Variants in ZNF385B observed in about 807,000 individuals in gnomAD.
The protein encoded by ZNF385B is zinc finger protein 533.
In ZNF385B, 23 loss-of-function variants were observed where a neutral mutation model predicts 39.2. The observed-to-expected ratio is 0.59, with a 90% CI of 0.42 to 0.83. The LOEUF (loss-of-function observed/expected upper bound fraction) is 0.83. ZNF385B is among the 40% of genes least tolerant of loss of function. The probability of loss-of-function intolerance (pLI) is 0.00; values close to 1 mark genes in which losing one functional copy is unlikely to be tolerated. For missense variants in ZNF385B, 552 were observed against 598.9 expected (o/e 0.92, Z 0.82); for synonymous variants, 205 against 222.6 (o/e 0.92, Z 0.70).
At chr2:179,721,664 T>C (rs1224827483) in intron 3 of ZNF385B, among the ~76,000 whole-genome samples, 1 of 151,842 alleles carries the variant, frequency 6.6e-6, no homozygotes, top group East Asian at 1.9e-4. Flanking sequence ...AAGTATTTAA[T>C]AAAATGCAAT....
chr2:179,782,985 T>C (rs1289023003), intron 1 of ZNF385B, among the ~76,000 whole-genome samples: 1 of 152,120 alleles, frequency 6.6e-6, no homozygotes, highest in Non-Finnish European at 1.5e-5. Context: ...AACAATCTTT[T>C]AAAATTCATA....
intron 3 of ZNF385B, among the ~76,000 whole-genome samples, chr2:179,653,004 C>G (rs1205905001): frequency 6.6e-6 from 1 of 152,096 alleles, no homozygotes; most frequent in African/African-American, 2.4e-5. Context: ...TGGGGCCTTC[C>G]TAACATTGTA....
At chr2:179,668,724 G>A (rs1193301935) in intron 3 of ZNF385B, among the ~76,000 whole-genome samples, 3 of 151,680 alleles carry the variant, frequency 2.0e-5, no homozygotes, top group Admixed American at 2.0e-4. Context: ...GGGAAAAAAG[G>A]GACAATTTTA....
At chr2:179,813,083 T>C (rs1706838051) in intron 1 of ZNF385B, among the ~76,000 whole-genome samples, 1 of 152,192 alleles carries the variant, frequency 6.6e-6, no homozygotes, top group Non-Finnish European at 1.5e-5. Context: ...ACTCTAATGG[T>C]TTCTACCTTT....
At chr2:179,717,556 G>T (rs931346138) in intron 3 of ZNF385B, among the ~76,000 whole-genome samples, 13 of 152,124 alleles carry the variant, frequency 8.5e-5, no homozygotes, top group African/African-American at 3.1e-4. Flanking sequence ...AACATAGTGA[G>T]ACCCTGTTTC....
chr2:179,481,604 T>C (rs2054002360), intron 6 of ZNF385B, among the ~76,000 whole-genome samples: 2 of 152,190 alleles, frequency 1.3e-5, no homozygotes, highest in South Asian at 2.1e-4. Flanking sequence ...AGTAGCAACG[T>C]TGTAACATGT....
chr2:179,733,683 G>A (rs1208223746), intron 3 of ZNF385B, among the ~76,000 whole-genome samples: 6 of 151,698 alleles, frequency 4.0e-5, no homozygotes, highest in Admixed American at 2.0e-4. Flanking sequence ...CTCCGGAGGC[G>A]GAGGCCGGAG....
At chr2:179,521,364 T>TTTTG (rs955949715) in intron 4 of ZNF385B, among the ~76,000 whole-genome samples, 2 of 147,364 alleles carry the variant, frequency 1.4e-5, no homozygotes, top group African/African-American at 2.5e-5. Flanking sequence ...TTTTTTTTTT[T>TTTTG]TTTTTTTGTA....
chr2:179,446,736 A>G lies in ZNF385B; in HGVS notation c.750T>C (p.Ser250=), dbSNP rs1046120470. The change falls in exon 7 of 10, where the codon AGT becomes AGC. Residue 250 remains serine, a synonymous_variant. Coordinates refer to ENST00000410066, the MANE Select transcript of ZNF385B (RefSeq NM_152520.6). ...DKGKLKASSS[S]QPSSSESGSF... ...AGCCACTTTCAGAGCTTGATGGCTG[A>G]CTGGAACTGCTGGCTTTTAACTTCC... is the stretch of plus-strand genomic sequence containing the variant. 2.5e-6 allele frequency: 4 copies of G among 1,613,510 alleles called. No homozygotes were observed. Among genetic ancestry groups the G allele is most frequent in the Non-Finnish European group, 2.5e-6 (3 of 1,179,878 alleles).
chr2:179,670,566 T>C (rs1278627227), intron 3 of ZNF385B, among the ~76,000 whole-genome samples: 1 of 152,170 alleles, frequency 6.6e-6, no homozygotes, highest in East Asian at 1.9e-4. Flanking sequence ...TTAATGTACA[T>C]TTATATAATT....
At chr2:179,641,544 G>C (rs1692267920) in intron 3 of ZNF385B, among the ~76,000 whole-genome samples, 1 of 151,986 alleles carries the variant, frequency 6.6e-6, no homozygotes, top group African/African-American at 2.4e-5. Context: ...TGGACTCTTG[G>C]AAATTACCAT....
chr2:179,446,453 G>T, intron 7 of ZNF385B, 72 bp downstream of exon 7: 1 of 1,535,874 alleles, frequency 6.5e-7, no homozygotes, highest in Admixed American at 2.0e-5. Context: ...AACAACAAAA[G>T]ATATGGTATT....
intron 5 of ZNF385B, among the ~76,000 whole-genome samples, chr2:179,513,318 A>G (rs1261960000): frequency 6.6e-6 from 1 of 152,244 alleles, no homozygotes; most frequent in Non-Finnish European, 1.5e-5. Context: ...TACATGTCAC[A>G]TTTGTGAATT....
rs181395544 is a variant in ZNF385B, at chr2:179,611,494, G to A, written c.299-66525C>T. Among the ~76,000 whole-genome samples the A allele has an allele frequency of 5.3e-5, 8 of 152,284 alleles. No homozygotes were observed. In the East Asian group the frequency reaches 9.6e-4, roughly 18 times the overall value. ...TCCACGTTTATCAGGAATATTGGCC[G>A]ATAGTTCTCTGTTACTGATGTGTCT... On this transcript the variant is annotated intron_variant, in intron 3 of 9. Transcript: ENST00000410066.
intron 1 of ZNF385B, among the ~76,000 whole-genome samples, chr2:179,798,721 T>G (rs981841111): frequency 1.3e-5 from 2 of 152,124 alleles, no homozygotes; most frequent in Non-Finnish European, 2.9e-5. Context: ...GTAAGTATAG[T>G]CAAATTACTG....
intron 1 of ZNF385B, among the ~76,000 whole-genome samples, chr2:179,852,307 C>T (rs1378813701): frequency 6.6e-6 from 1 of 152,192 alleles, no homozygotes; most frequent in Non-Finnish European, 1.5e-5. Flanking sequence ...AGGGGAGAGA[C>T]ACTGCTGACA....
chr2:179,766,338 T>C (rs533821863), intron 3 of ZNF385B, among the ~76,000 whole-genome samples: 4 of 152,206 alleles, frequency 2.6e-5, no homozygotes, highest in East Asian at 1.9e-4. Flanking sequence ...CTACCACATA[T>C]TTTTCTCTGT....
At chr2:179,690,985 C>T (rs1325803243) in intron 3 of ZNF385B, among the ~76,000 whole-genome samples, 4 of 152,208 alleles carry the variant, frequency 2.6e-5, no homozygotes, top group Admixed American at 6.5e-5. Flanking sequence ...CTCTGATCTA[C>T]TCCATCTGCA....
intron 3 of ZNF385B, among the ~76,000 whole-genome samples, chr2:179,756,925 C>T (rs1014655723): frequency 3.9e-5 from 6 of 152,064 alleles, no homozygotes; most frequent in Admixed American, 6.6e-5. Context: ...CCTTTAGCTC[C>T]GAGAAGTTTG....
Sources: allele counts gnomAD v4.1 joint callset (sites outside exome capture counted in the v4.1 genomes callset), GRCh38; gene constraint gnomAD v4.1.1; transcripts MANE v1.5; gene names NCBI Gene and HGNC (gene_info 2026-07-23, HGNC 2026-07-21).